ASCC3: variants seen among roughly 807,000 people sequenced by gnomAD.
ASCC3 encodes the protein ASC-1 complex subunit P200.
In ASCC3, 158 loss-of-function variants were observed where a neutral mutation model predicts 256.3. The observed-to-expected ratio is 0.62, with a 90% CI of 0.54 to 0.70. The LOEUF (loss-of-function observed/expected upper bound fraction) is 0.70. Ranked by LOEUF, ASCC3 falls within the 30% of genes least tolerant of loss-of-function variation. The probability of loss-of-function intolerance (pLI) is 0.00; values close to 1 mark genes in which losing one functional copy is unlikely to be tolerated. For missense variants in ASCC3, 2,259 were observed against 2,626.0 expected, an observed-to-expected ratio of 0.86 and a Z score of 3.05; for synonymous variants, 948 against 883.4, an observed-to-expected ratio of 1.07 and a Z score of -1.30.
At chr6:100,769,140 T>C (rs1445279001) in intron 8 of ASCC3, among the ~76,000 whole-genome samples, 1 of 152,018 alleles carries the variant, frequency 6.6e-6, no homozygotes, top group African/African-American at 2.4e-5. Flanking sequence ...TACCACATGA[T>C]CTCACTCATA....
At chr6:100,816,414 A>G (rs1486421067) in intron 4 of ASCC3, among the ~76,000 whole-genome samples, 2 of 152,120 alleles carry the variant, frequency 1.3e-5, no homozygotes, top group Non-Finnish European at 2.9e-5. Flanking sequence ...CTGGGTATAT[A>G]CCCAAAGGAA....
rs368395474 is a variant in ASCC3, at chr6:100,624,863, A to T, written c.4785+329T>A. The stretch of plus-strand genomic sequence containing the variant: ...TAGTGCTTCCTAAAATTAAAAAAAG[A>T]TTATTATATATTTTTTAAAACCCAA... On this transcript the variant is annotated intron_variant, in intron 30 of 41. Coordinates refer to ENST00000369162, the MANE Select transcript of ASCC3 (RefSeq NM_006828.4). 2.0e-4 allele frequency among the ~76,000 whole-genome samples: 31 copies of T among 152,070 alleles called. No individual in the cohort carries two copies. The East Asian group carries it at 5.4e-3, about 26-fold the overall frequency.
chr6:100,543,327 T>A (rs1775556435), intron 36 of ASCC3, among the ~76,000 whole-genome samples: 1 of 152,144 alleles, frequency 6.6e-6, no homozygotes, highest in African/African-American at 2.4e-5. Flanking sequence ...CATTTTTTTA[T>A]GAATATTTTC....
At chr6:100,605,019 G>A (rs1207204076) in intron 33 of ASCC3, among the ~76,000 whole-genome samples, 4 of 152,060 alleles carry the variant, frequency 2.6e-5, no homozygotes, top group Non-Finnish European at 5.9e-5. Context: ...TCCCAAAAGA[G>A]GTATAGGATG....
intron 14 of ASCC3, among the ~76,000 whole-genome samples, chr6:100,672,876 T>C (rs750568449): frequency 5.9e-5 from 9 of 152,136 alleles, no homozygotes; most frequent in Non-Finnish European, 1.2e-4. Flanking sequence ...TTATTTATAT[T>C]GATACCCAAT....
intron 4 of ASCC3, among the ~76,000 whole-genome samples, chr6:100,824,277 C>T (rs1771190695): frequency 6.6e-6 from 1 of 152,168 alleles, no homozygotes; most frequent in Admixed American, 6.5e-5. Flanking sequence ...AGCACTAAAA[C>T]AGGCTTTAAA....
intron 13 of ASCC3, among the ~76,000 whole-genome samples, chr6:100,700,743 G>A (rs540172027): frequency 1.3e-5 from 2 of 152,206 alleles, no homozygotes; most frequent in Non-Finnish European, 2.9e-5. Flanking sequence ...GACTTGTATG[G>A]GGCCTGAAGC....
intron 11 of ASCC3, among the ~76,000 whole-genome samples, chr6:100,722,214 C>T (rs371117896): frequency 6.6e-6 from 1 of 151,736 alleles, no homozygotes; most frequent in East Asian, 1.9e-4. Flanking sequence ...TGTACCAGTA[C>T]CATGCTGTTT....
chr6:100,566,532 G>T (rs148392851), intron 36 of ASCC3, among the ~76,000 whole-genome samples: 189 of 152,190 alleles, frequency 1.2e-3, no homozygotes, highest in Admixed American at 3.5e-3. Flanking sequence ...CAACAGAAGG[G>T]TATTACTTCA....
intron 30 of ASCC3, 76 bp downstream of exon 30, chr6:100,625,116 T>C (rs1774159918): frequency 2.6e-6 from 4 of 1,543,654 alleles, no homozygotes; most frequent in Admixed American, 3.4e-5. Flanking sequence ...TATAATACAA[T>C]TACATATGTA....
intron 34 of ASCC3, 40 bp downstream of exon 34, chr6:100,601,769 CG>C (rs141774099): frequency 0.019 from 29,733 of 1,604,066 alleles, 324 homozygotes; most frequent in East Asian, 0.026. Context: ...TGTCTTATTT[CG>C]GGGCAAAACA....
chr6:100,848,818 A>G (rs1772516603), intron 3 of ASCC3, 111 bp from the exon 4 acceptor site: 2 of 1,036,074 alleles, frequency 1.9e-6, no homozygotes, highest in Non-Finnish European at 2.9e-6. Flanking sequence ...CAGTCAAATC[A>G]TAGCAATAGA....
chr6:100,652,311 T>C (rs1005987748), intron 18 of ASCC3, among the ~76,000 whole-genome samples: 4 of 152,162 alleles, frequency 2.6e-5, no homozygotes, highest in African/African-American at 9.7e-5. Flanking sequence ...AGACAACGTG[T>C]TGGATTGATT....
intron 36 of ASCC3, among the ~76,000 whole-genome samples, chr6:100,572,423 A>G (rs1435873850): frequency 1.3e-5 from 2 of 152,122 alleles, no homozygotes; most frequent in Non-Finnish European, 1.5e-5. Context: ...ATTCTATGGT[A>G]TTTTTGTTTG....
chr6:100,848,750 T>TG (rs1562341557), intron 3 of ASCC3, 43 bp from the exon 4 acceptor site: 2 of 1,585,684 alleles, frequency 1.3e-6, no homozygotes, highest in Admixed American at 3.3e-5. Flanking sequence ...AATTGAATCA[T>TG]GGTTCAAGTT....
At chr6:100,809,396 T>C (rs1770350245) in intron 4 of ASCC3, among the ~76,000 whole-genome samples, 1 of 152,044 alleles carries the variant, frequency 6.6e-6, no homozygotes, top group Non-Finnish European at 1.5e-5. Context: ...TAATTAAAAC[T>C]TCACACAAAA....
intron 11 of ASCC3, among the ~76,000 whole-genome samples, chr6:100,720,395 G>A (rs1041584417): frequency 9.2e-5 from 14 of 151,832 alleles, no homozygotes; most frequent in Non-Finnish European, 5.9e-5. Flanking sequence ...GGCATTTGAT[G>A]GATTCAAAAG....
chr6:100,676,743 CGT>C (rs1454300728), intron 14 of ASCC3, among the ~76,000 whole-genome samples: 1 of 129,600 alleles, frequency 7.7e-6, no homozygotes, highest in Non-Finnish European at 1.6e-5. Context: ...TGTGCGCGCG[CGT>C]GCGCGCACAC....
At chr6:100,810,012 G>T (rs936046205) in intron 4 of ASCC3, among the ~76,000 whole-genome samples, 2 of 152,010 alleles carry the variant, frequency 1.3e-5, no homozygotes, top group African/African-American at 4.8e-5. Flanking sequence ...TAATACCATG[G>T]TTTAAAATCC....
Sources: allele counts gnomAD v4.1 joint callset (sites outside exome capture counted in the v4.1 genomes callset), GRCh38; gene constraint gnomAD v4.1.1; transcripts MANE v1.5; gene names NCBI Gene and HGNC (gene_info 2026-07-23, HGNC 2026-07-21).